KBTBD3: variants seen among roughly 807,000 people sequenced by gnomAD.
KBTBD3 encodes kelch repeat and BTB domain-containing protein 3.
KBTBD3 carries 38 observed loss-of-function variants against 49.6 expected under a neutral mutation model. That is an observed-to-expected ratio of 0.77 (90% confidence interval 0.59 to 1.00). The LOEUF (loss-of-function observed/expected upper bound fraction) is 1.00. Among genes scored for constraint, KBTBD3 ranks in the 50% least tolerant of loss-of-function variants. KBTBD3 has a pLI of 0.00. For missense variants in KBTBD3, 661 were observed against 712.0 expected (o/e 0.93, Z 0.81); for synonymous variants, 214 against 250.4 (o/e 0.85, Z 1.37).
chr11:106,062,511 C>G (rs559095935), intron 2 of KBTBD3, among the ~76,000 whole-genome samples: 1 of 152,226 alleles, frequency 6.6e-6, no homozygotes, highest in Admixed American at 6.5e-5. Context: ...GCATAAGACC[C>G]AAGAGGAGTC....
chr11:106,065,061 A>G (rs1367291285), intron 2 of KBTBD3, among the ~76,000 whole-genome samples: 2 of 152,240 alleles, frequency 1.3e-5, no homozygotes, highest in African/African-American at 2.4e-5. Context: ...ATTCTAAAGC[A>G]GTAATTACTA....
At chr11:106,057,941 C>T (rs1006327130) in intron 3 of KBTBD3, 3 of 396,924 alleles carry the variant, frequency 7.6e-6, no homozygotes, top group African/African-American at 6.2e-5. Flanking sequence ...AATAATACAA[C>T]ACAGGGATCC....
intron 2 of KBTBD3, chr11:106,075,857 C>T (rs1049090932): frequency 3.9e-5 from 6 of 152,032 alleles, no homozygotes; most frequent in Non-Finnish European, 8.8e-5. Context: ...ACAAATAATC[C>T]CTACGTTACT....
At chr11:106,061,653 C>T (rs186961532) in intron 2 of KBTBD3, among the ~76,000 whole-genome samples, 122 of 152,000 alleles carry the variant, frequency 8.0e-4, no homozygotes, top group African/African-American at 2.7e-3. Flanking sequence ...TGACTTCAAG[C>T]TGGAACTCAA....
intron 2 of KBTBD3, among the ~76,000 whole-genome samples, chr11:106,062,967 T>G (rs1860732160): frequency 6.6e-6 from 1 of 152,242 alleles, no homozygotes; most frequent in Admixed American, 6.5e-5. Flanking sequence ...GTTTTTAAAA[T>G]TATGCATGTT....
At chr11:106,057,283 G>C (rs1860571649) in intron 3 of KBTBD3, 1 of 152,168 alleles carries the variant, frequency 6.6e-6, no homozygotes, top group Non-Finnish European at 1.5e-5. Flanking sequence ...ATTCAAAACA[G>C]TATAAATTAA....
chr11:106,053,303 C>T lies in KBTBD3; in HGVS notation c.1386G>A (p.Glu462=). The T allele has an allele frequency of 6.2e-7, 1 of 1,613,448 alleles. No individual in the cohort carries two copies. Among genetic ancestry groups the T allele is most frequent in the Non-Finnish European group, 8.5e-7 (1 of 1,179,790 alleles). The change falls in exon 4 of 4, where the codon GAG becomes GAA. Residue 462 remains glutamate, a synonymous_variant. Coordinates refer to ENST00000531837, the MANE Select transcript of KBTBD3 (RefSeq NM_198439.3). The part of the protein sequence containing the change: ...CQNVIYVLGS[E]VEITDAFNPS... ...GGTTAAAAGCATCTGTAATCTCTAC[C>T]TCTGATCCAAGAACATAAATTACAT...
intron 3 of KBTBD3, among the ~76,000 whole-genome samples, chr11:106,058,576 A>C (rs1860609262): frequency 6.6e-6 from 1 of 151,876 alleles, no homozygotes; most frequent in African/African-American, 2.4e-5. Context: ...GGCGCACGCC[A>C]TTGCGACCGG....
At position 106,058,995 on chromosome 11, in the gene KBTBD3, C is replaced by A; in HGVS notation, c.103G>T (p.Gly35Ter). The A allele has an allele frequency of 6.4e-7, 1 of 1,557,800 alleles. No homozygotes were observed. Among genetic ancestry groups the A allele is most frequent in the South Asian group, 1.2e-5 (1 of 81,230 alleles). Residue 35 changes from glycine to a stop codon, truncating the protein, a stop_gained, in exon 3 of 4, where the codon GGA (glycine) becomes TGA (stop). Coordinates refer to ENST00000531837, the MANE Select transcript of KBTBD3 (RefSeq NM_198439.3). LOFTEE classifies it high-confidence loss of function. ...KNNFLVSEDH[G>*]QKILSVLQNF... ...TGTAGTACACTTAAGATTTTTTGTC[C>A]ATGATCTTCTGATACAAGGAAGTTG...
intron 2 of KBTBD3, 23 bp from the exon 3 acceptor site, chr11:106,059,132 G>T: frequency 2.2e-6 from 3 of 1,364,052 alleles, no homozygotes; most frequent in Non-Finnish European, 2.0e-6. Flanking sequence ...CAAAATCACC[G>T]ATGTAGTAGA....
chr11:106,069,889 T>C (rs1019775354), intron 2 of KBTBD3, among the ~76,000 whole-genome samples: 19 of 152,058 alleles, frequency 1.2e-4, no homozygotes, highest in Admixed American at 1.1e-3. Flanking sequence ...CAATACTGTG[T>C]AATATTAGTG....
intron 3 of KBTBD3, among the ~76,000 whole-genome samples, chr11:106,058,488 G>A (rs1380613430): frequency 4.0e-5 from 6 of 151,624 alleles, no homozygotes; most frequent in Non-Finnish European, 5.9e-5. Flanking sequence ...GCGGTGGCGC[G>A]ATCTCAGCTC....
intron 3 of KBTBD3, among the ~76,000 whole-genome samples, chr11:106,057,141 A>G (rs1219520125): frequency 1.3e-5 from 2 of 152,208 alleles, no homozygotes; most frequent in African/African-American, 4.8e-5. Context: ...CTACAGGAAC[A>G]GGTGTTTAGC....
In KBTBD3 at chr11:106,052,191, G is replaced by C. The variant is rs934809888; in HGVS notation, c.*659C>G. ...GAGAGGGGGGGAGGAGAGAGAGAGA[G>C]AGAGCTAGAAATTGAAACCAACTGA... On this transcript the variant is annotated 3_prime_UTR_variant, in exon 4 of 4. Transcript: ENST00000531837. 1.3e-5 allele frequency: 2 copies of C among 151,632 alleles called. No individual in the cohort carries two copies. Among genetic ancestry groups the C allele is most frequent in the Non-Finnish European group, 1.5e-5 (1 of 67,796 alleles). The allele number at this position is 151,632 out of a possible 1,614,324, so 9.4% of individuals were successfully genotyped here.
intron 2 of KBTBD3, among the ~76,000 whole-genome samples, chr11:106,071,753 A>G (rs558012265): frequency 1.6e-4 from 25 of 152,270 alleles, no homozygotes; most frequent in Admixed American, 5.2e-4. Context: ...TTCATCACTT[A>G]TTAGTGACTC....
At position 106,052,904 on chromosome 11, in the gene KBTBD3, C is replaced by G; in HGVS notation, c.1785G>C (p.Gln595His). ...CTCTGTATTTATTAAACTGAATCAC[C>G]TGGCAGTAAAATTCTGTTAAGGCTC... ...MPRALTEFYC[Q>H]VIQFNKYRDP... Residue 595 changes from glutamine (Q) to histidine (H), a missense_variant, in exon 4 of 4, where the codon CAG (glutamine) becomes CAC (histidine). Gln to His is a conservative substitution (Grantham distance 24). Coordinates refer to ENST00000531837, the MANE Select transcript of KBTBD3 (RefSeq NM_198439.3). The G allele has an allele frequency of 6.2e-7, 1 of 1,613,560 alleles. No individual in the cohort carries two copies. Among genetic ancestry groups the G allele is most frequent in the African/African-American group, 1.3e-5 (1 of 74,998 alleles).
At chr11:106,058,643 T>TG in intron 3 of KBTBD3, 1 of 469,660 alleles carries the variant, frequency 2.1e-6, no homozygotes. Flanking sequence ...AGGCTGGTCT[T>TG]GAAGTCCTGA....
chr11:106,071,243 G>T (rs2135022346), intron 2 of KBTBD3, among the ~76,000 whole-genome samples: 1 of 152,148 alleles, frequency 6.6e-6, no homozygotes, highest in East Asian at 1.9e-4. Context: ...AAATAAAACA[G>T]TAAAAAGGTG....
intron 3 of KBTBD3, chr11:106,057,863 T>C: frequency 2.6e-6 from 1 of 379,682 alleles, no homozygotes; most frequent in Non-Finnish European, 4.7e-6. Flanking sequence ...AAATTTTCTT[T>C]TCTCGCAGAG....
Sources: allele counts gnomAD v4.1 joint callset (sites outside exome capture counted in the v4.1 genomes callset), GRCh38; gene constraint gnomAD v4.1.1; transcripts MANE v1.5; gene names NCBI Gene and HGNC (gene_info 2026-07-23, HGNC 2026-07-21).